MAGI2: variants seen among roughly 807,000 people sequenced by gnomAD.
MAGI2 encodes the protein membrane associated guanylate kinase, WW and PDZ domain containing 2.
Under a neutral mutation model 133.3 loss-of-function variants are expected in MAGI2, and 35 were observed. The observed-to-expected ratio is 0.26, with a 90% confidence interval of 0.20 to 0.35. The LOEUF (loss-of-function observed/expected upper bound fraction) is 0.35. Among genes scored for constraint, MAGI2 ranks in the 10% least tolerant of loss-of-function variants. The pLI, the probability that MAGI2 is intolerant of heterozygous loss-of-function variation, is 1.00. For missense variants in MAGI2, 1,636 were observed against 1,863.4 expected (o/e 0.88, Z 2.25); for synonymous variants, 729 against 710.6 (o/e 1.03, Z -0.41).
At chr7:78,989,778 G>A (rs557868969) in intron 2 of MAGI2, among the ~76,000 whole-genome samples, 5 of 151,914 alleles carry the variant, frequency 3.3e-5, no homozygotes, top group South Asian at 2.1e-4. Flanking sequence ...GCATACCACC[G>A]TTTTCAGCCT....
chr7:78,363,127 A>G (rs1793000081), intron 7 of MAGI2, among the ~76,000 whole-genome samples: 1 of 152,268 alleles, frequency 6.6e-6, no homozygotes, highest in Admixed American at 6.5e-5. Context: ...AATTATGACA[A>G]TATAACCTCC....
At chr7:78,785,162 C>A (rs1826711940) in intron 2 of MAGI2, among the ~76,000 whole-genome samples, 1 of 152,126 alleles carries the variant, frequency 6.6e-6, no homozygotes, top group East Asian at 1.9e-4. Context: ...TTGAAGCTAT[C>A]ATTTAACTTC....
At chr7:79,421,307 G>A (rs890045995) in intron 1 of MAGI2, among the ~76,000 whole-genome samples, 9 of 151,758 alleles carry the variant, frequency 5.9e-5, no homozygotes, top group African/African-American at 1.9e-4. Context: ...TGTGTTATTG[G>A]TCTTTACAAT....
chr7:78,606,893 C>T (rs1298522919), intron 3 of MAGI2, among the ~76,000 whole-genome samples: 1 of 151,954 alleles, frequency 6.6e-6, no homozygotes, highest in Non-Finnish European at 1.5e-5. Flanking sequence ...CTGTTTCTTC[C>T]ATCAAAAAAA....
chr7:78,520,323 G>A (rs1250023815), intron 4 of MAGI2, among the ~76,000 whole-genome samples: 1 of 152,046 alleles, frequency 6.6e-6, no homozygotes, highest in African/African-American at 2.4e-5. Flanking sequence ...AGCTTATGAA[G>A]TTTTTCGCTG....
At chr7:78,463,598 T>C (rs1438852503) in intron 6 of MAGI2, among the ~76,000 whole-genome samples, 1 of 152,164 alleles carries the variant, frequency 6.6e-6, no homozygotes, top group East Asian at 1.9e-4. Context: ...TGTGAGGTCC[T>C]GGAATATAAG....
intron 2 of MAGI2, among the ~76,000 whole-genome samples, chr7:78,968,704 C>A (rs893061813): frequency 6.6e-6 from 1 of 151,908 alleles, no homozygotes; most frequent in Admixed American, 6.6e-5. Context: ...TTTTATTTAT[C>A]AATTATGAGA....
intron 1 of MAGI2, among the ~76,000 whole-genome samples, chr7:79,225,165 T>C (rs1432368668): frequency 6.6e-6 from 1 of 152,168 alleles, no homozygotes; most frequent in Non-Finnish European, 1.5e-5. Context: ...CCTCTGAGCT[T>C]TTCCACCACC....
intron 6 of MAGI2, among the ~76,000 whole-genome samples, chr7:78,406,651 T>A (rs1375142426): frequency 6.6e-6 from 1 of 152,050 alleles, no homozygotes; most frequent in Non-Finnish European, 1.5e-5. Flanking sequence ...ATTCCTTGCA[T>A]TTCCTACATT....
At chr7:79,299,667 A>G (rs4730756) in intron 1 of MAGI2, among the ~76,000 whole-genome samples, 57,332 of 151,694 alleles carry the variant, frequency 0.38, 11,993 homozygotes, top group African/African-American at 0.54. Flanking sequence ...AAAAAGATTC[A>G]CTAAAAAAAC....
At chr7:78,408,884 T>G (rs1178172314) in intron 6 of MAGI2, among the ~76,000 whole-genome samples, 2 of 152,122 alleles carry the variant, frequency 1.3e-5, no homozygotes, top group Non-Finnish European at 2.9e-5. Flanking sequence ...TGAAATTACA[T>G]ACATAGTTGT....
intron 1 of MAGI2, among the ~76,000 whole-genome samples, chr7:79,427,076 T>C (rs958668605): frequency 6.6e-6 from 1 of 152,222 alleles, no homozygotes; most frequent in South Asian, 2.1e-4. Context: ...GTATTGTACG[T>C]AATCTAGACT....
chr7:79,053,975 T>A (rs1812912226), intron 1 of MAGI2, among the ~76,000 whole-genome samples: 1 of 152,072 alleles, frequency 6.6e-6, no homozygotes, highest in South Asian at 2.1e-4. Context: ...GGTGGGTGGA[T>A]CATTTGAGGT....
intron 7 of MAGI2, among the ~76,000 whole-genome samples, chr7:78,347,704 A>C (rs1032017603): frequency 1.3e-5 from 2 of 152,212 alleles, no homozygotes; most frequent in East Asian, 3.9e-4. Context: ...ACCTTGCTCT[A>C]ACTGCCTTTG....
chr7:78,906,996 T>TCAAA (rs1384490588), intron 2 of MAGI2, among the ~76,000 whole-genome samples: 13 of 152,202 alleles, frequency 8.5e-5, no homozygotes, highest in African/African-American at 3.1e-4. Flanking sequence ...ACCTTTGATC[T>TCAAA]CAAACAAAAA....
At chr7:78,088,457 A>G (rs1310047926) in intron 20 of MAGI2, among the ~76,000 whole-genome samples, 1 of 152,208 alleles carries the variant, frequency 6.6e-6, no homozygotes, top group Admixed American at 6.5e-5. Flanking sequence ...TGGCGGGGAC[A>G]TTGGTTAGCT....
At chr7:79,174,986 A>G (rs1237049113) in intron 1 of MAGI2, among the ~76,000 whole-genome samples, 2 of 151,862 alleles carry the variant, frequency 1.3e-5, no homozygotes, top group Non-Finnish European at 2.9e-5. Flanking sequence ...TGGGCCAAGT[A>G]ATTCCATTTT....
chr7:79,346,036 T>C (rs1184005186), intron 1 of MAGI2, among the ~76,000 whole-genome samples: 1 of 152,100 alleles, frequency 6.6e-6, no homozygotes, highest in African/African-American at 2.4e-5. Flanking sequence ...TACATTTTAC[T>C]AGTCAGATTA....
chr7:78,844,870 T>A (rs967477026), intron 2 of MAGI2, among the ~76,000 whole-genome samples: 5 of 151,932 alleles, frequency 3.3e-5, no homozygotes. Flanking sequence ...TTCCAATAAA[T>A]ACCTGAGGTG....
Sources: gnomAD v4.1 joint callset for allele counts (sites outside exome capture counted in the v4.1 genomes callset) on GRCh38, gnomAD v4.1.1 for gene constraint, MANE v1.5 for transcripts, NCBI Gene and HGNC (gene_info 2026-07-23, HGNC 2026-07-21) for gene names.